RIC1: variants seen among roughly 807,000 people sequenced by gnomAD.
The protein encoded by RIC1 is guanine nucleotide exchange factor subunit RIC1.
In RIC1, 88 loss-of-function variants were observed where a neutral mutation model predicts 169.0. The observed-to-expected ratio is 0.52, with a 90% CI of 0.44 to 0.62. The LOEUF (loss-of-function observed/expected upper bound fraction) is 0.62, where lower values mean the gene tolerates loss of function less well. Among genes scored for constraint, RIC1 ranks in the 20% least tolerant of loss-of-function variants. The probability of loss-of-function intolerance (pLI) is 0.00; values close to 1 mark genes in which losing one functional copy is unlikely to be tolerated. For synonymous variants in RIC1, 790 were observed against 601.5 expected, an observed-to-expected ratio of 1.31 and a Z score of -4.59; for missense variants, 1,877 against 1,725.5, an observed-to-expected ratio of 1.09 and a Z score of -1.56.
chr9:5,720,176 C>T lies in RIC1; in HGVS notation c.441-6C>T. ...TCTCTTAAAAATTAATTGATTCTAC[C>T]TACAGTTTGCAGTCTGTGTTGGAAG... is the stretch of plus-strand genomic sequence containing the variant. On this transcript the variant is annotated splice_polypyrimidine_tract_variant and splice_region_variant and intron_variant, in intron 4 of 25. Transcript: ENST00000414202. The T allele has an allele frequency of 6.2e-7, 1 of 1,607,670 alleles. No homozygotes were observed.
intron 1 of RIC1, among the ~76,000 whole-genome samples, chr9:5,635,718 G>T (rs949963952): frequency 6.6e-6 from 1 of 152,152 alleles, no homozygotes; most frequent in African/African-American, 2.4e-5. Flanking sequence ...AGATCATAGC[G>T]GGAGTTTTCC....
intron 16 of RIC1, 25 bp downstream of exon 16, chr9:5,756,397 C>T (rs1347007920): frequency 3.6e-6 from 5 of 1,370,920 alleles, no homozygotes; most frequent in Non-Finnish European, 4.8e-6. Context: ...TATGAGAAGT[C>T]ACTTTTTGCT....
chr9:5,630,836 T>G (rs1391179890), intron 1 of RIC1, among the ~76,000 whole-genome samples: 2 of 152,256 alleles, frequency 1.3e-5, no homozygotes, highest in Non-Finnish European at 1.5e-5. Flanking sequence ...TCGTTTACAA[T>G]GTATATGCCA....
At chr9:5,678,882 C>G (rs370033302) in intron 2 of RIC1, among the ~76,000 whole-genome samples, 4,069 of 152,132 alleles carry the variant, frequency 0.027, 86 homozygotes, top group Middle Eastern at 0.082. Flanking sequence ...GCTTTTGTTG[C>G]CATTGCTTTT....
intron 1 of RIC1, among the ~76,000 whole-genome samples, chr9:5,637,706 T>G (rs1421730337): frequency 6.6e-6 from 1 of 152,236 alleles, no homozygotes; most frequent in Non-Finnish European, 1.5e-5. Context: ...AGTGAGAACA[T>G]GCGATGTTTG....
rs552293697 is a variant in RIC1 at position 5,768,431 on chromosome 9, G to A, written c.3138-539G>A. Among the ~76,000 whole-genome samples the A allele has an allele frequency of 3.9e-5, 6 of 152,290 alleles. No homozygotes were observed. The East Asian group carries it at 1.2e-3, about 29-fold the overall frequency. On this transcript the variant is annotated intron_variant, in intron 21 of 25. Transcript: ENST00000414202. Reference sequence around the variant, plus strand: ...AGTCCCAGCTACTTGGGAGGCTGAGGTGGGGAAGATAGCTTGAGCCCAGGA... The same window carrying A: ...AGTCCCAGCTACTTGGGAGGCTGAGATGGGGAAGATAGCTTGAGCCCAGGA...
rs77229934 is a variant in RIC1 at position 5,633,419 on chromosome 9, A to G, written c.144+3966A>G. Reference sequence around the variant, plus strand: ...CAAACTCCTTAGTTTGATATCACAGACACTCCCTTCTTGGAATGCTCTCTT... The same window carrying G: ...CAAACTCCTTAGTTTGATATCACAGGCACTCCCTTCTTGGAATGCTCTCTT... On this transcript the variant is annotated intron_variant, in intron 1 of 25. Transcript: ENST00000414202. 9.8e-3 allele frequency among the ~76,000 whole-genome samples: 1,494 copies of G among 152,182 alleles called. 25 individuals are homozygous for G. The highest frequency in any genetic ancestry group is 0.035 in the African/African-American group (1,439 of 41,536).
intron 12 of RIC1, 30 bp downstream of exon 12, chr9:5,747,535 C>G (rs1303572833): frequency 6.5e-7 from 1 of 1,543,698 alleles, no homozygotes; most frequent in Non-Finnish European, 9.0e-7. Flanking sequence ...TTACTAGAGA[C>G]TTATTCTTTG....
intron 1 of RIC1, among the ~76,000 whole-genome samples, chr9:5,649,954 A>G (rs1046437175): frequency 6.6e-6 from 1 of 152,038 alleles, no homozygotes; most frequent in Non-Finnish European, 1.5e-5. Context: ...CATATATAGC[A>G]TTAGTGGTGT....
chr9:5,711,763 C>A (rs771365261), intron 3 of RIC1, among the ~76,000 whole-genome samples: 2 of 152,114 alleles, frequency 1.3e-5, no homozygotes, highest in Non-Finnish European at 2.9e-5. Flanking sequence ...GTGTGATGGT[C>A]CCTTTCCTGT....
rs746506917 is a variant in RIC1, at chr9:5,690,021, T to C, written c.315T>C (p.Tyr105=). 2 of 1,599,212 alleles carry C rather than the reference T, an allele frequency of 1.3e-6. No homozygotes were observed. Among genetic ancestry groups the C allele is most frequent in the East Asian group, 4.5e-5 (2 of 44,512 alleles). Residue 105 remains tyrosine, a synonymous_variant, in exon 3 of 26, where the codon TAT becomes TAC. Transcript: ENST00000414202. ...CTACAAGAGGGGACAAGTACCTTTATGAACCAGTGTATCCCAAGTAAGTTT... is the reference window on the plus strand; with the variant it reads ...CTACAAGAGGGGACAAGTACCTTTACGAACCAGTGTATCCCAAGTAAGTTT... The part of the protein sequence containing the change: ...ITSTRGDKYL[Y]EPVYPKGSPQ...
intron 2 of RIC1, among the ~76,000 whole-genome samples, chr9:5,685,945 A>C (rs200693416): frequency 2.2e-4 from 32 of 145,634 alleles, no homozygotes; most frequent in East Asian, 1.3e-3. Context: ...AAACAAACAA[A>C]CCCATCAAAA....
intron 17 of RIC1, among the ~76,000 whole-genome samples, chr9:5,761,333 T>G (rs1172072664): frequency 6.6e-6 from 1 of 151,706 alleles, no homozygotes; most frequent in Admixed American, 6.6e-5. Flanking sequence ...AGGTTGGTCT[T>G]GAACTCCTGA....
chr9:5,713,016 A>G (rs571190882), intron 3 of RIC1: 15 of 152,368 alleles, frequency 9.8e-5, no homozygotes, highest in South Asian at 2.1e-4. Flanking sequence ...AAAAATGAGC[A>G]TCAAAATATA....
intron 1 of RIC1, among the ~76,000 whole-genome samples, chr9:5,643,455 C>T (rs1264461823): frequency 6.6e-6 from 1 of 152,016 alleles, no homozygotes; most frequent in African/African-American, 2.4e-5. Context: ...CTGCAGTGAG[C>T]CATGATTGCA....
Position 5,773,017 on chromosome 9 carries a change from G to T in RIC1, c.3920G>T (p.Gly1307Val). Residue 1307 changes from glycine (G) to valine (V), a missense_variant, in exon 25 of 26, where the codon GGA becomes GTA. This residue lies in a region of RIC1 where 681 missense variants were observed against 582.0 expected (regional missense o/e 1.17). Transcript: ENST00000414202. ...LVITQSSEVD[G>V]EMLQNIKTGL... is the part of the protein sequence containing the mutation. ...ATTACACAGTCTTCAGAGGTAGATG[G>T]AGAGATGTTACAGAACATAAAGACA... 6.2e-7 allele frequency: 1 copy of T among 1,613,704 alleles called. No homozygotes were observed. Among genetic ancestry groups the T allele is most frequent in the Non-Finnish European group, 8.5e-7 (1 of 1,179,758 alleles).
chr9:5,690,721 CAG>C (rs1821546301), intron 3 of RIC1, among the ~76,000 whole-genome samples: 1 of 150,796 alleles, frequency 6.6e-6, no homozygotes, highest in Admixed American at 6.6e-5. Flanking sequence ...TGAATATTAA[CAG>C]AAAAAAAGAA....
intron 8 of RIC1, among the ~76,000 whole-genome samples, chr9:5,741,901 A>G (rs926486362): frequency 5.3e-5 from 8 of 152,126 alleles, no homozygotes. Flanking sequence ...GAACTGGATA[A>G]CATTTGAGTT....
intron 1 of RIC1, among the ~76,000 whole-genome samples, chr9:5,647,583 C>G (rs1818580483): frequency 6.6e-6 from 1 of 152,058 alleles, no homozygotes; most frequent in Non-Finnish European, 1.5e-5. Context: ...GCTGATTTTT[C>G]TGTGTTGATT....
Sources: gnomAD v4.1 joint callset for allele counts (sites outside exome capture counted in the v4.1 genomes callset) on GRCh38, gnomAD v4.1.1 for gene constraint, gnomAD v4.1.1 regional missense constraint, MANE v1.5 for transcripts, NCBI Gene and HGNC (gene_info 2026-07-23, HGNC 2026-07-21) for gene names.